FMNL2: variants seen among roughly 807,000 people sequenced by gnomAD.
FMNL2 encodes formin like 2.
A neutral mutation model predicts 130.2 loss-of-function variants in FMNL2; 51 were observed. The observed-to-expected ratio is 0.39, with a 90% CI of 0.31 to 0.49. The LOEUF (loss-of-function observed/expected upper bound fraction) is 0.49. Ranked by LOEUF, FMNL2 falls within the 20% of genes least tolerant of loss-of-function variation. The pLI is 0.85. For synonymous variants in FMNL2, 465 were observed against 467.1 expected, an observed-to-expected ratio of 1.00 and a Z score of 0.06; for missense variants, 977 against 1,316.2, an observed-to-expected ratio of 0.74 and a Z score of 3.99.
intron 1 of FMNL2, among the ~76,000 whole-genome samples, chr2:152,345,792 C>G (rs769855800): frequency 6.6e-6 from 1 of 152,194 alleles, no homozygotes; most frequent in Non-Finnish European, 1.5e-5. Flanking sequence ...AGATGCGAAC[C>G]TGGAGAAGCC....
At chr2:152,482,906 T>A (rs1690610220) in intron 1 of FMNL2, among the ~76,000 whole-genome samples, 1 of 152,206 alleles carries the variant, frequency 6.6e-6, no homozygotes, top group Non-Finnish European at 1.5e-5. Context: ...CAACTTTTTT[T>A]TCCTAGGCCT....
chr2:152,444,294 C>T (rs1459336236), intron 1 of FMNL2, among the ~76,000 whole-genome samples: 1 of 152,080 alleles, frequency 6.6e-6, no homozygotes, highest in Non-Finnish European at 1.5e-5. Context: ...TGGATAGAGG[C>T]ATGTCCATGG....
intron 1 of FMNL2, among the ~76,000 whole-genome samples, chr2:152,490,882 T>C (rs1010076497): frequency 6.6e-6 from 1 of 152,002 alleles, no homozygotes; most frequent in Admixed American, 6.6e-5. Flanking sequence ...CCAAGTAATA[T>C]CTGGTTGTGT....
At chr2:152,407,467 A>G (rs1020108755) in intron 1 of FMNL2, among the ~76,000 whole-genome samples, 3 of 151,684 alleles carry the variant, frequency 2.0e-5, no homozygotes, top group South Asian at 2.1e-4. Context: ...GGAGCTCTTC[A>G]TGCCTGCCCC....
intron 1 of FMNL2, among the ~76,000 whole-genome samples, chr2:152,395,265 T>C (rs1321985042): frequency 6.6e-6 from 1 of 152,178 alleles, no homozygotes; most frequent in African/African-American, 2.4e-5. Flanking sequence ...GGACATGAGG[T>C]GGCAAACCCT....
intron 4 of FMNL2, among the ~76,000 whole-genome samples, chr2:152,550,807 G>A (rs965553727): frequency 1.3e-5 from 2 of 152,136 alleles, no homozygotes; most frequent in South Asian, 4.1e-4. Context: ...GAAAATGGTG[G>A]AATGAACTGC....
chr2:152,495,643 T>C, intron 1 of FMNL2, among the ~76,000 whole-genome samples: 1 of 9,298 alleles, frequency 1.1e-4, no homozygotes. Context: ...AGAGTGAGAC[T>C]CCGTCTCACC....
At chr2:152,434,001 A>G (rs1053820937) in intron 1 of FMNL2, among the ~76,000 whole-genome samples, 2 of 152,222 alleles carry the variant, frequency 1.3e-5, no homozygotes, top group African/African-American at 4.8e-5. Flanking sequence ...ATGTCATGCA[A>G]GGAGAAAGCC....
intron 2 of FMNL2, among the ~76,000 whole-genome samples, chr2:152,539,774 GAA>G (rs1173847087): frequency 6.6e-6 from 1 of 152,036 alleles, no homozygotes; most frequent in Non-Finnish European, 1.5e-5. Context: ...AATAGGAAAT[GAA>G]AAAAAGCTGC....
chr2:152,402,906 C>T (rs1685786465), intron 1 of FMNL2, among the ~76,000 whole-genome samples: 1 of 152,144 alleles, frequency 6.6e-6, no homozygotes. Flanking sequence ...GTCCGGGGAT[C>T]CCATCCAGGA....
At chr2:152,631,162 G>A (rs1048547295) in intron 20 of FMNL2, among the ~76,000 whole-genome samples, 1 of 151,910 alleles carries the variant, frequency 6.6e-6, no homozygotes, top group African/African-American at 2.4e-5. Flanking sequence ...GAGGCGGGAG[G>A]ATCACCTGAG....
chr2:152,392,201 C>T (rs960677520), intron 1 of FMNL2, among the ~76,000 whole-genome samples: 4 of 152,004 alleles, frequency 2.6e-5, no homozygotes, highest in South Asian at 2.1e-4. Flanking sequence ...TTTCAAACCC[C>T]TGTTTTCTCA....
At chr2:152,513,621 A>G (rs1195872637) in intron 1 of FMNL2, among the ~76,000 whole-genome samples, 3 of 152,198 alleles carry the variant, frequency 2.0e-5, no homozygotes, top group African/African-American at 7.2e-5. Flanking sequence ...AAAGTTATGG[A>G]GGAGTCATAA....
In FMNL2 at chr2:152,340,202, T is replaced by C. The variant is rs181943516; in HGVS notation, c.117+4482T>C. Among the ~76,000 whole-genome samples the C allele has an allele frequency of 2.0e-4, 30 of 152,128 alleles. 1 individual carries two copies. Among genetic ancestry groups the C allele is most frequent in the African/African-American group, 6.5e-4 (27 of 41,476 alleles). On this transcript the variant is annotated intron_variant, in intron 1 of 25. Coordinates refer to ENST00000288670, the MANE Select transcript of FMNL2 (RefSeq NM_052905.4). ...CCAGGTCTCAAAAAAGAAAAAGATA[T>C]CTAAGTTGCCTAAAATTATACAGTT...
chr2:152,382,993 G>A (rs1684567089), intron 1 of FMNL2, among the ~76,000 whole-genome samples: 1 of 152,158 alleles, frequency 6.6e-6, no homozygotes, highest in Admixed American at 6.6e-5. Context: ...AGTGATGTTG[G>A]TGTAAACAAA....
At chr2:152,386,786 A>G (rs904957671) in intron 1 of FMNL2, among the ~76,000 whole-genome samples, 1 of 152,140 alleles carries the variant, frequency 6.6e-6, no homozygotes, top group African/African-American at 2.4e-5. Context: ...CCGCCTCCCC[A>G]TTTATGTGTT....
At chr2:152,451,558 C>G (rs1688652079) in intron 1 of FMNL2, among the ~76,000 whole-genome samples, 1 of 152,072 alleles carries the variant, frequency 6.6e-6, no homozygotes, top group Admixed American at 6.6e-5. Flanking sequence ...ACCTGATTGA[C>G]ATAGGTACTA....
chr2:152,589,079 C>A (rs1435984184), intron 9 of FMNL2, among the ~76,000 whole-genome samples: 1 of 145,516 alleles, frequency 6.9e-6, no homozygotes, highest in East Asian at 2.0e-4. Context: ...TTCAGGACTG[C>A]CCTTTTTTGG....
At chr2:152,480,851 G>A (rs1370048266) in intron 1 of FMNL2, among the ~76,000 whole-genome samples, 1 of 152,112 alleles carries the variant, frequency 6.6e-6, no homozygotes, top group Admixed American at 6.5e-5. Flanking sequence ...CATTTTTCCA[G>A]TGAGACCTTC....
Sources: gnomAD v4.1 joint callset for allele counts (sites outside exome capture counted in the v4.1 genomes callset) on GRCh38, gnomAD v4.1.1 for gene constraint, MANE v1.5 for transcripts, NCBI Gene and HGNC (gene_info 2026-07-23, HGNC 2026-07-21) for gene names.